The following SDK2 variants were observed in gnomAD, a reference collection of about 807,000 sequenced individuals.
The protein encoded by SDK2 is sidekick cell adhesion molecule 2, also known as protein sidekick-2.
SDK2 carries 105 observed loss-of-function variants against 253.9 expected under a neutral mutation model. The observed-to-expected ratio is 0.41, with a 90% CI of 0.35 to 0.49. The LOEUF is 0.49. Ranked by LOEUF, SDK2 falls within the 20% of genes least tolerant of loss-of-function variation. The pLI, the probability that SDK2 is intolerant of heterozygous loss-of-function variation, is 0.06. For synonymous variants in SDK2, 1,249 were observed against 1,234.9 expected (o/e 1.01, Z -0.24); for missense variants, 2,608 against 3,003.0 (o/e 0.87, Z 3.07).
At chr17:73,510,469 G>A (rs975108783) in intron 1 of SDK2, among the ~76,000 whole-genome samples, 1 of 152,140 alleles carries the variant, frequency 6.6e-6, no homozygotes, top group Non-Finnish European at 1.5e-5. Context: ...GGCTGCCTTC[G>A]ACTGCTCCCT....
At position 73,487,085 on chromosome 17, in the gene SDK2, C is replaced by T. The variant is rs8067603; in HGVS notation, c.225-14867G>A. On this transcript the variant is annotated intron_variant, in intron 2 of 44. Transcript: ENST00000392650. ...AGTAGCTGGGACTACAGGCACGCAC[C>T]ACCATGCCCGGCTAATTTTTGTATT... 6.4e-3 allele frequency among the ~76,000 whole-genome samples: 977 copies of T among 152,292 alleles called. 11 individuals carry two copies. The highest frequency in any genetic ancestry group is 0.022 in the African/African-American group (934 of 41,552).
At chr17:73,449,794 A>C (rs945322194) in intron 4 of SDK2, among the ~76,000 whole-genome samples, 17 of 151,822 alleles carry the variant, frequency 1.1e-4, no homozygotes, top group African/African-American at 4.1e-4. Flanking sequence ...GTGGTGGTGC[A>C]TGCCTGTAAT....
rs1474081079 is a variant in SDK2 at position 73,399,157 on chromosome 17, G to A, written c.3093+11C>T. The A allele has an allele frequency of 1.2e-6, 2 of 1,613,036 alleles. No individual in the cohort carries two copies. The highest frequency in any genetic ancestry group is 1.7e-6 in the Non-Finnish European group (2 of 1,179,832). On this transcript the variant is annotated intron_variant, in intron 22 of 44. Transcript: ENST00000392650. ...GCGGGGGCTGCTGGTCAGGCCCCAG[G>A]CCTGCCCTACCTGGGCTTCCACCAG... is the stretch of plus-strand genomic sequence containing the variant.
At chr17:73,543,760 G>A (rs550410452) in intron 1 of SDK2, among the ~76,000 whole-genome samples, 1 of 152,348 alleles carries the variant, frequency 6.6e-6, no homozygotes, top group East Asian at 1.9e-4. Flanking sequence ...AGAGGCACAA[G>A]GGCCAGGCCC....
At chr17:73,538,494 T>A (rs951883726) in intron 1 of SDK2, among the ~76,000 whole-genome samples, 7 of 152,210 alleles carry the variant, frequency 4.6e-5, no homozygotes, top group Non-Finnish European at 8.8e-5. Flanking sequence ...GGCTTTAAAA[T>A]GTGCAAGCAT....
At position 73,354,593 on chromosome 17, in the gene SDK2, A is replaced by T. The variant is rs376254046; in HGVS notation, c.5594-1956T>A. Among the ~76,000 whole-genome samples, 140 of 152,070 alleles carry T rather than the reference A, an allele frequency of 9.2e-4. No homozygotes were observed. In the South Asian group the frequency reaches 0.011, roughly 12 times the overall value. On this transcript the variant is annotated intron_variant, in intron 40 of 44. Transcript: ENST00000392650. ...TCCAAGCCACCCTGGGCCTAGCCAG[A>T]CCCCTCTTCACAGTAGAAGGACGTC...
chr17:73,359,491 C>G (rs939884029), intron 39 of SDK2, among the ~76,000 whole-genome samples: 1 of 152,152 alleles, frequency 6.6e-6, no homozygotes, highest in South Asian at 2.1e-4. Flanking sequence ...CCCTCAGGAC[C>G]CTGTACTCAT....
At chr17:73,579,926 T>C (rs1156481652) in intron 1 of SDK2, among the ~76,000 whole-genome samples, 1 of 149,118 alleles carries the variant, frequency 6.7e-6, no homozygotes, top group Non-Finnish European at 1.5e-5. Flanking sequence ...GGCAGTGAGC[T>C]GAGATCGCAC....
At chr17:73,428,883 T>G (rs1210450859) in intron 12 of SDK2, among the ~76,000 whole-genome samples, 1 of 152,132 alleles carries the variant, frequency 6.6e-6, no homozygotes, top group African/African-American at 2.4e-5. Flanking sequence ...ATCCCTTTGA[T>G]GAAAAGATGG....
In SDK2 at chr17:73,451,830, T is replaced by G. The variant is rs183797722; in HGVS notation, c.479+4076A>C. 1.7e-3 allele frequency among the ~76,000 whole-genome samples: 252 copies of G among 152,220 alleles called. 2 individuals carry two copies. The highest frequency in any genetic ancestry group is 6.6e-3 in the Admixed American group (101 of 15,302). On this transcript the variant is annotated intron_variant, in intron 4 of 44. Transcript: ENST00000392650. ...CTGTACTGGGTGCTCTTCCTGGCAC[T>G]CAGGAGGGCTTCCAACCTGCAGCAC...
rs147373876 is a variant in SDK2 at position 73,478,575 on chromosome 17, C to T, written c.225-6357G>A. On this transcript the variant is annotated intron_variant, in intron 2 of 44. Coordinates refer to ENST00000392650, the MANE Select transcript of SDK2 (RefSeq NM_001144952.2). ...GAAGAGATGAGCTCAGGGTGGAGGG[C>T]GCAAGACAACAGTGGGAGGAAGAGC... Among the ~76,000 whole-genome samples the T allele has an allele frequency of 8.1e-3, 1,239 of 152,194 alleles. 10 individuals are homozygous for T. The highest frequency in any genetic ancestry group is 0.023 in the African/African-American group (935 of 41,512).
intron 1 of SDK2, among the ~76,000 whole-genome samples, chr17:73,635,977 AGAG>A (rs937589035): frequency 5.3e-5 from 8 of 152,158 alleles, no homozygotes; most frequent in African/African-American, 7.2e-5. Flanking sequence ...AGGAAAAGGA[AGAG>A]GAGGAGGAGG....
At chr17:73,396,489 G>A (rs1036783225) in intron 24 of SDK2, among the ~76,000 whole-genome samples, 2 of 151,108 alleles carry the variant, frequency 1.3e-5, no homozygotes, top group South Asian at 4.2e-4. Flanking sequence ...CCTCACCTTC[G>A]GCCCCAACCT....
intron 16 of SDK2, among the ~76,000 whole-genome samples, chr17:73,417,937 T>A (rs552668423): frequency 6.6e-6 from 1 of 152,100 alleles, no homozygotes; most frequent in African/African-American, 2.4e-5. Context: ...GACCTCAAAG[T>A]ATTCTGATGC....
rs11867960 is a variant in SDK2, at chr17:73,465,236, T to A, written c.331+6876A>T. ...TCCAATTGTCTTTTGTAGGAGTGGC[T>A]GCTAAGCTGCTTGGTAGGAAGGAAG... is the stretch of plus-strand genomic sequence containing the variant. On this transcript the variant is annotated intron_variant, in intron 3 of 44. Transcript: ENST00000392650. The surrounding 1 kb of genome is among the most constrained non-coding windows in gnomAD (Gnocchi z 4.2). 0.42 allele frequency among the ~76,000 whole-genome samples: 62,338 copies of A among 148,252 alleles called. 13,188 individuals are homozygous for A. The highest frequency in any genetic ancestry group is 0.52 in the Middle Eastern group (138 of 266).
At position 73,423,473 on chromosome 17, in the gene SDK2, C is replaced by T. The variant is rs779999339; in HGVS notation, c.1810G>A (p.Glu604Lys). 7 of 1,593,142 alleles carry T rather than the reference C, an allele frequency of 4.4e-6. No individual in the cohort carries two copies. In the African/African-American group the frequency reaches 9.4e-5, roughly 21 times the overall value. Residue 604 changes from glutamate to lysine, a missense_variant, in exon 14 of 45, where the codon GAA (glutamate) becomes AAA (lysine). Physicochemically the swap from Glu to Lys is moderately conservative, Grantham distance 56. Transcript: ENST00000392650. The part of the protein sequence containing the change: ...EHPVATLSTV[E>K]RRAINLTWTK... ...CACGTCAGGTTGATGGCTCGCCTTT[C>T]CACGGTGCTGAGAGTGGCCACTGGG...
chr17:73,518,453 T>A (rs2064048539), intron 1 of SDK2: 1 of 152,228 alleles, frequency 6.6e-6, no homozygotes, highest in Non-Finnish European at 1.5e-5. Flanking sequence ...CTGTTATTAT[T>A]CCTCATCTTG....
chr17:73,549,308 C>T (rs945721962), intron 1 of SDK2, among the ~76,000 whole-genome samples: 2 of 152,190 alleles, frequency 1.3e-5, no homozygotes, highest in Admixed American at 1.3e-4. Context: ...ACCTGGGCTG[C>T]TCACTGTTGA....
At chr17:73,498,108 A>G (rs4789081) in intron 2 of SDK2, among the ~76,000 whole-genome samples, 106,895 of 152,108 alleles carry the variant, frequency 0.7, 37,623 homozygotes, top group East Asian at 0.75. Flanking sequence ...GCTTCTACAC[A>G]TGGGGGCCAG....
Sources: gnomAD v4.1 joint callset for allele counts (sites outside exome capture counted in the v4.1 genomes callset) on GRCh38, gnomAD v4.1.1 for gene constraint, Gnocchi (gnomAD v3.1) non-coding constraint, MANE v1.5 for transcripts, NCBI Gene and HGNC (gene_info 2026-07-23, HGNC 2026-07-21) for gene names.